The following PDE4D variants were observed in gnomAD, a reference collection of about 807,000 sequenced individuals.
PDE4D encodes the protein 3',5'-cyclic-AMP phosphodiesterase 4D.
In PDE4D, 24 loss-of-function variants were observed where a neutral mutation model predicts 87.4. The observed-to-expected ratio is 0.27, with a 90% CI of 0.20 to 0.39. The LOEUF is 0.39. PDE4D is among the 10% of genes least tolerant of loss of function. The pLI is 1.00. For missense variants in PDE4D, 714 were observed against 1,041.0 expected (o/e 0.69, Z 4.32); for synonymous variants, 384 against 383.2 (o/e 1.00, Z -0.02).
chr5:59,962,097 C>A (rs1198787961), intron 3 of PDE4D, among the ~76,000 whole-genome samples: 2 of 151,970 alleles, frequency 1.3e-5, no homozygotes, highest in Non-Finnish European at 2.9e-5. Context: ...AAGAAAATTT[C>A]AAATACAATT....
intron 1 of PDE4D, among the ~76,000 whole-genome samples, chr5:60,355,020 T>C (rs926443748): frequency 2.0e-5 from 3 of 152,186 alleles, no homozygotes; most frequent in African/African-American, 7.2e-5. Flanking sequence ...ATGAGAATTA[T>C]GGAAATGCCA....
chr5:60,104,386 G>C (rs1489516300), intron 2 of PDE4D, among the ~76,000 whole-genome samples: 1 of 152,222 alleles, frequency 6.6e-6, no homozygotes, highest in Non-Finnish European at 1.5e-5. Flanking sequence ...GCCCACCACA[G>C]CTCAAGGAGG....
At chr5:59,359,520 G>C (rs983276683) in intron 1 of PDE4D, among the ~76,000 whole-genome samples, 14 of 151,978 alleles carry the variant, frequency 9.2e-5, no homozygotes, top group African/African-American at 3.4e-4. Context: ...GCAAAATTAA[G>C]CCTTGATTTC....
intron 1 of PDE4D, among the ~76,000 whole-genome samples, chr5:59,774,560 G>GTT (rs111268735): frequency 1.3e-4 from 20 of 151,892 alleles, no homozygotes; most frequent in African/African-American, 2.9e-4. Context: ...GTTATATGGG[G>GTT]TTTTTTTCCT....
At chr5:59,803,671 G>C (rs1303467145) in intron 1 of PDE4D, among the ~76,000 whole-genome samples, 1 of 152,100 alleles carries the variant, frequency 6.6e-6, no homozygotes, top group Non-Finnish European at 1.5e-5. Context: ...CCTAAAGTTT[G>C]AGAACGAGTG....
intron 1 of PDE4D, among the ~76,000 whole-genome samples, chr5:59,741,640 T>C (rs975693847): frequency 7.2e-5 from 11 of 152,234 alleles, no homozygotes; most frequent in African/African-American, 2.7e-4. Flanking sequence ...GAACTTTTCA[T>C]TAGTAACATG....
intron 5 of PDE4D, among the ~76,000 whole-genome samples, chr5:59,166,002 C>T (rs566944970): frequency 1.3e-5 from 2 of 152,318 alleles, no homozygotes; most frequent in Non-Finnish European, 2.9e-5. Context: ...CTTCAAACCT[C>T]GTCCTCCAGC....
At chr5:59,985,155 T>TTTTTTTTTTTG (rs1175344293) in intron 3 of PDE4D, among the ~76,000 whole-genome samples, 1 of 142,506 alleles carries the variant, frequency 7.0e-6, no homozygotes, top group African/African-American at 2.5e-5. Flanking sequence ...GTTTTTTATT[T>TTTTTTTTTTTG]TGAGACAGAG....
rs113350805 is a variant in PDE4D, at chr5:60,430,130, G to A, written c.-90+57812C>T. The A allele has an allele frequency of 1.2e-3, 616 of 524,770 alleles. 8 individuals are homozygous for A. Among genetic ancestry groups the A allele is most frequent in the African/African-American group, 9.5e-3 (493 of 52,106 alleles). The allele number at this position is 524,770 out of a possible 1,614,324, so 32.5% of individuals were successfully genotyped here. ...CCCATCTCCTTCAGGGCAAGTTTCC[G>A]GAGCTCTTTGAGTGCCTGAGGGGCA... On this transcript the variant is annotated intron_variant, in intron 1 of 16. Coordinates refer to the PDE4D transcript ENST00000502484.
chr5:59,199,997 T>C (rs543385218), intron 2 of PDE4D, among the ~76,000 whole-genome samples: 4 of 150,262 alleles, frequency 2.7e-5, no homozygotes, highest in East Asian at 2.0e-4. Flanking sequence ...CATGCATACA[T>C]GCATGCAACA....
intron 2 of PDE4D, among the ~76,000 whole-genome samples, chr5:60,113,612 C>T (rs188303059): frequency 1.3e-5 from 2 of 152,196 alleles, no homozygotes; most frequent in East Asian, 3.9e-4. Context: ...CCCTGAGTCT[C>T]TATGTTCCCC....
chr5:59,135,823 G>T (rs1776981027), intron 5 of PDE4D, among the ~76,000 whole-genome samples: 1 of 152,136 alleles, frequency 6.6e-6, no homozygotes, highest in Admixed American at 6.5e-5. Context: ...TACATAGCAT[G>T]AGGAGGAATG....
intron 1 of PDE4D, among the ~76,000 whole-genome samples, chr5:59,457,132 A>G (rs551028176): frequency 1.3e-5 from 2 of 152,258 alleles, no homozygotes; most frequent in Non-Finnish European, 2.9e-5. Flanking sequence ...AGTATATTAC[A>G]TGTTGCAGAG....
chr5:60,112,352 C>T (rs2149359964), intron 2 of PDE4D, among the ~76,000 whole-genome samples: 1 of 152,190 alleles, frequency 6.6e-6, no homozygotes, highest in African/African-American at 2.4e-5. Context: ...TTGACATCTT[C>T]TCCATGGAGT....
chr5:60,086,366 G>T (rs137955420), intron 2 of PDE4D, among the ~76,000 whole-genome samples: 1 of 152,240 alleles, frequency 6.6e-6, no homozygotes, highest in Admixed American at 6.5e-5. Context: ...AGAAACAAAA[G>T]AACTGCTAGA....
intron 1 of PDE4D, among the ~76,000 whole-genome samples, chr5:59,410,429 T>G (rs1221744779): frequency 6.6e-6 from 1 of 152,152 alleles, no homozygotes; most frequent in Admixed American, 6.5e-5. Flanking sequence ...ATATTTTTAG[T>G]AGAGATGGGG....
chr5:59,717,398 A>T (rs298102), intron 1 of PDE4D, among the ~76,000 whole-genome samples: 114,058 of 152,102 alleles, frequency 0.75, 42,880 homozygotes, highest in East Asian at 0.84. Context: ...CATCTCATAC[A>T]ACAACTCACT....
intron 2 of PDE4D, among the ~76,000 whole-genome samples, chr5:60,033,869 G>A (rs554688881): frequency 8.5e-4 from 129 of 152,268 alleles, no homozygotes; most frequent in Non-Finnish European, 1.4e-3. Context: ...TTTGCTCTCA[G>A]TTTTTTCTCC....
Position 60,074,785 on chromosome 5 carries a change from G to A in PDE4D, c.43-86068C>T, listed in dbSNP as rs371242789. Among the ~76,000 whole-genome samples, 16 of 152,090 alleles carry A rather than the reference G, an allele frequency of 1.1e-4. No homozygotes were observed. In the East Asian group the frequency reaches 1.5e-3, roughly 15 times the overall value. On this transcript the variant is annotated intron_variant, in intron 2 of 16. Transcript: ENST00000502484. ...TCCTTCTTCATCTTTTTTGAGCTTC[G>A]TTAGTTTAAAGTCTGTTTTGTCTGA... is the stretch of plus-strand genomic sequence containing the variant.
Sources: allele counts gnomAD v4.1 joint callset (sites outside exome capture counted in the v4.1 genomes callset), GRCh38; gene constraint gnomAD v4.1.1; transcripts MANE v1.5; gene names NCBI Gene and HGNC (gene_info 2026-07-23, HGNC 2026-07-21).